The following MAN2A2 variants were observed in gnomAD, a reference collection of about 807,000 sequenced individuals.
MAN2A2 encodes the protein mannosidase alpha class 2A member 2, also known as alpha-mannosidase 2x.
A neutral mutation model predicts 126.8 loss-of-function variants in MAN2A2; 79 were observed. The ratio of observed to expected loss-of-function variants is 0.62; its 90% CI spans 0.52 to 0.75. The LOEUF is 0.75. MAN2A2 is among the 30% of genes least tolerant of loss of function. MAN2A2 has a pLI of 0.00. For missense variants in MAN2A2, 1,392 were observed against 1,522.4 expected, an observed-to-expected ratio of 0.91 and a Z score of 1.43; for synonymous variants, 671 against 618.7, an observed-to-expected ratio of 1.08 and a Z score of -1.25.
intron 2 of MAN2A2, among the ~76,000 whole-genome samples, chr15:90,904,552 C>T (rs1044814660): frequency 6.6e-6 from 1 of 151,340 alleles, no homozygotes; most frequent in Non-Finnish European, 1.5e-5. Context: ...ATGTCAATGG[C>T]AATGAGTATT....
chr15:90,922,245 G>A lies in MAN2A2; in HGVS notation c.*2458G>A, dbSNP rs1248307035. On this transcript the variant is annotated 3_prime_UTR_variant, in exon 23 of 23. Transcript: ENST00000559717. ...GCTTGCTTCAGGGTCCTTAGAGAAA[G>A]TCACTGGGGCCTGCCAAGCTGCCAC... is the stretch of plus-strand genomic sequence containing the variant. 1 of 152,188 alleles carries A rather than the reference G, an allele frequency of 6.6e-6. No individual in the cohort carries two copies. The highest frequency in any genetic ancestry group is 1.9e-4 in the East Asian group (1 of 5,196). 9.4% of individuals were successfully genotyped at this position (152,188 alleles called of 1,614,324 possible). A position where few individuals can be genotyped will look rare whatever the true frequency, so the allele number is the denominator to read the frequency against.
At chr15:90,911,046 C>G (rs1359790840) in intron 12 of MAN2A2, 85 bp downstream of exon 12, 1 of 1,482,818 alleles carries the variant, frequency 6.7e-7, no homozygotes, top group Non-Finnish European at 9.4e-7. Context: ...TGCCGCTTCT[C>G]TTTTTCCTTC....
chr15:90,914,179 A>ACCC (rs2034994620), intron 19 of MAN2A2, among the ~76,000 whole-genome samples: 7 of 152,336 alleles, frequency 4.6e-5, no homozygotes, highest in Admixed American at 1.3e-4. Flanking sequence ...AAGATTTAAA[A>ACCC]ATTAGCTGGA....
At chr15:90,916,410 T>C (rs2151325539) in intron 20 of MAN2A2, 154 bp downstream of exon 20, 1 of 1,165,954 alleles carries the variant, frequency 8.6e-7, no homozygotes, top group Non-Finnish European at 1.2e-6. Context: ...CAGTCTGGCG[T>C]TTTGTGTCCC....
Position 90,905,341 on chromosome 15 carries a change from G to T in MAN2A2, c.223G>T (p.Val75Leu). 2 of 1,613,914 alleles carry T rather than the reference G, an allele frequency of 1.2e-6. No individual in the cohort carries two copies. Among genetic ancestry groups the T allele is most frequent in the South Asian group, 1.1e-5 (1 of 91,086 alleles). ...HEIISHIKDS[V>L]LELTANAEGP... ...GATTATCAGCCATATCAAGGACTCCGTGCTGGAGCTGACAGCCAACGCAGA... is the reference window on the plus strand; with the variant it reads ...GATTATCAGCCATATCAAGGACTCCTTGCTGGAGCTGACAGCCAACGCAGA... Residue 75 changes from valine (V) to leucine (L), a missense_variant, in exon 3 of 23, where the codon GTG (valine) becomes TTG (leucine). By Grantham distance (32) the Val-to-Leu change is conservative. Coordinates refer to ENST00000559717, the MANE Select transcript of MAN2A2 (RefSeq NM_006122.4).
rs1567136974 is a variant in MAN2A2 at position 90,920,124 on chromosome 15, G to A, written c.*337G>A. 1 of 272,590 alleles carries A rather than the reference G, an allele frequency of 3.7e-6. No individual in the cohort carries two copies. The highest frequency in any genetic ancestry group is 7.1e-6 in the Non-Finnish European group (1 of 141,334). The allele number at this position is 272,590 out of a possible 1,614,324, so 16.9% of individuals were successfully genotyped here. The stretch of plus-strand genomic sequence containing the variant: ...TTTTCCAAACAGGGATATAGAAGTG[G>A]TGGAAGCAGACAGAAGAGGTAAGGG... On this transcript the variant is annotated 3_prime_UTR_variant, in exon 23 of 23. Transcript: ENST00000559717.
chr15:90,913,464 T>C, intron 18 of MAN2A2, 58 bp downstream of exon 18: 3 of 1,577,642 alleles, frequency 1.9e-6, no homozygotes, highest in Admixed American at 1.7e-5. Flanking sequence ...ACTCTGCTTT[T>C]GCCCCTGTCA....
In MAN2A2 at chr15:90,913,358, A is replaced by G. The variant is rs59869864; in HGVS notation, c.2670A>G (p.Thr890=). The G allele has an allele frequency of 1.9e-3, 3,017 of 1,605,756 alleles. 44 individuals are homozygous for G. The African/African-American group carries it at 0.035, about 18-fold the overall frequency. The change falls in exon 18 of 23, where the codon ACA becomes ACG. Residue 890 remains threonine (T), a synonymous_variant. Transcript: ENST00000559717. ...AGGAGCTGGCCCTGCACATCCATACAGACATCGACAGCCAGGGTATCTTCT... is the reference window on the plus strand; with the variant it reads ...AGGAGCTGGCCCTGCACATCCATACGGACATCGACAGCCAGGGTATCTTCT... ...VNKELALHIH[T]DIDSQGIFFT... is the part of the protein sequence containing the mutation.
At position 90,905,397 on chromosome 15, in the gene MAN2A2, G is replaced by A. The variant is rs915805126; in HGVS notation, c.279G>A (p.Thr93=). 1.2e-5 allele frequency: 20 copies of A among 1,613,764 alleles called. No homozygotes were observed. Among genetic ancestry groups the A allele is most frequent in the African/African-American group, 5.3e-5 (4 of 74,924 alleles). The change falls in exon 3 of 23, where the codon ACG becomes ACA. Residue 93 remains threonine (T), a synonymous_variant. Coordinates refer to ENST00000559717, the MANE Select transcript of MAN2A2 (RefSeq NM_006122.4). ...EGPPAMLPYY[T]VNGSWVVPPE... is the part of the protein sequence containing the mutation. ...CGCCCGCCATGCTGCCCTACTACAC[G>A]GTCAATGGCTCCTGGGTGGTGCCAC...
chr15:90,906,449 T>A lies in MAN2A2; in HGVS notation c.787T>A (p.Leu263Met). The change falls in exon 6 of 23, where the codon TTG (leucine) becomes ATG (methionine). Residue 263 changes from leucine to methionine, a missense_variant. Physicochemically the swap from Leu to Met is conservative, Grantham distance 15 (BLOSUM62 2). Coordinates refer to ENST00000559717, the MANE Select transcript of MAN2A2 (RefSeq NM_006122.4). ...PDEANSHYFA[L>M]IDQLIEGHQW... is the part of the protein sequence containing the mutation. The stretch of plus-strand genomic sequence containing the variant: ...TGAGGCCAATTCCCACTACTTTGCA[T>A]TGATTGACCAGCTCATCGAAGGACA... 1 of 1,614,110 alleles carries A rather than the reference T, an allele frequency of 6.2e-7. No individual in the cohort carries two copies. Among genetic ancestry groups the A allele is most frequent in the Non-Finnish European group, 8.5e-7 (1 of 1,179,986 alleles).
In MAN2A2 at chr15:90,911,391, G is replaced by A. The variant is rs770267419; in HGVS notation, c.1950G>A (p.Val650=). The part of the protein sequence containing the change: ...VIQLDSSPRF[V]VLFNPLEQER... The stretch of plus-strand genomic sequence containing the variant: ...GCCCACCTTCTACGCACAGGTTTGT[G>A]GTCCTATTCAACCCACTGGAACAGG... Residue 650 remains valine, a synonymous_variant, in exon 14 of 23, where the codon GTG becomes GTA. Transcript: ENST00000559717. The A allele has an allele frequency of 6.2e-7, 1 of 1,614,226 alleles. No individual in the cohort carries two copies. The highest frequency in any genetic ancestry group is 1.7e-5 in the Admixed American group (1 of 60,028).
chr15:90,909,012 G>A (rs1444073347), intron 8 of MAN2A2, among the ~76,000 whole-genome samples: 3 of 152,170 alleles, frequency 2.0e-5, no homozygotes, highest in Non-Finnish European at 4.4e-5. Flanking sequence ...GTGTGATATG[G>A]CTCCGGGGTC....
chr15:90,905,863 A>G lies in MAN2A2; in HGVS notation c.554A>G (p.Asp185Gly). 6.3e-7 allele frequency: 1 copy of G among 1,578,688 alleles called. No individual in the cohort carries two copies. The highest frequency in any genetic ancestry group is 2.3e-5 in the East Asian group (1 of 43,136). ...HNDPGWIKTF[D>G]KYYTEQTQHI... is the part of the protein sequence containing the mutation. ...TCCCTAGGCTGGATCAAGACCTTTGACAAGTACTACACAGAGCAGACCCAA... is the reference window on the plus strand; with the variant it reads ...TCCCTAGGCTGGATCAAGACCTTTGGCAAGTACTACACAGAGCAGACCCAA... The change falls in exon 5 of 23, where the codon GAC (aspartate) becomes GGC (glycine). Residue 185 changes from aspartate to glycine, a missense_variant. Asp to Gly is a moderately conservative substitution (Grantham distance 94). Coordinates refer to ENST00000559717, the MANE Select transcript of MAN2A2 (RefSeq NM_006122.4).
Position 90,918,213 on chromosome 15 carries a change from C to G in MAN2A2, c.3014C>G (p.Thr1005Ser). 1 of 1,613,756 alleles carries G rather than the reference C, an allele frequency of 6.2e-7. No individual in the cohort carries two copies. The highest frequency in any genetic ancestry group is 8.5e-7 in the Non-Finnish European group (1 of 1,179,740). The change falls in exon 21 of 23, where the codon ACC becomes AGC. Residue 1005 changes from threonine to serine, a missense_variant. Coordinates refer to ENST00000559717, the MANE Select transcript of MAN2A2 (RefSeq NM_006122.4). ...TTGCAGGTCCAAGATAGCCACTCTA[C>G]CAGCTACCCATCCCTCCTCAGCCAC... is the stretch of plus-strand genomic sequence containing the variant. ...VGSEVQDSHS[T>S]SYPSLLSHLT... is the part of the protein sequence containing the mutation.
chr15:90,904,164 G>A, intron 1 of MAN2A2, 26 bp from the exon 2 acceptor site: 2 of 1,613,932 alleles, frequency 1.2e-6, no homozygotes, highest in Non-Finnish European at 1.7e-6. Context: ...GCATGTTGGA[G>A]CTACAGATGG....
At chr15:90,904,712 C>G (rs988102042) in intron 2 of MAN2A2, among the ~76,000 whole-genome samples, 4 of 152,020 alleles carry the variant, frequency 2.6e-5, no homozygotes, top group African/African-American at 9.7e-5. Context: ...GCCTCAGCCT[C>G]CCAAGTAGCT....
rs2035503771 is a variant in MAN2A2, at chr15:90,920,702, C to A, written c.*915C>A. Reference sequence around the variant, plus strand: ...TCCAAGACTCCATGTGCTTGGGCAGCTTGAGAAGGCGTTCAGCACCACGCC... The same window carrying A: ...TCCAAGACTCCATGTGCTTGGGCAGATTGAGAAGGCGTTCAGCACCACGCC... On this transcript the variant is annotated 3_prime_UTR_variant, in exon 23 of 23. Transcript: ENST00000559717. 1 of 152,244 alleles carries A rather than the reference C, an allele frequency of 6.6e-6. No individual in the cohort carries two copies. The highest frequency in any genetic ancestry group is 1.5e-5 in the Non-Finnish European group (1 of 68,064). 9.4% of individuals were successfully genotyped at this position (152,244 alleles called of 1,614,324 possible).
intron 2 of MAN2A2, among the ~76,000 whole-genome samples, chr15:90,905,001 G>A (rs368827467): frequency 7.9e-5 from 12 of 152,322 alleles, no homozygotes; most frequent in African/African-American, 2.6e-4. Context: ...GAATAGGTAG[G>A]TGAAAGGAAA....
chr15:90,913,467 C>T, intron 18 of MAN2A2, 61 bp downstream of exon 18: 1 of 1,578,866 alleles, frequency 6.3e-7, no homozygotes, highest in Non-Finnish European at 8.7e-7. Flanking sequence ...CTGCTTTTGC[C>T]CCTGTCACAG....
Sources: gnomAD v4.1 joint callset for allele counts (sites outside exome capture counted in the v4.1 genomes callset) on GRCh38, gnomAD v4.1.1 for gene constraint, MANE v1.5 for transcripts, NCBI Gene and HGNC (gene_info 2026-07-23, HGNC 2026-07-21) for gene names.